Variants in TOM1L2 observed in about 807,000 individuals in gnomAD.
TOM1L2 encodes TOM1-like protein 2.
Under a neutral mutation model 67.9 loss-of-function variants are expected in TOM1L2, and 31 were observed. That is an observed-to-expected ratio of 0.46 (90% CI 0.34 to 0.62). The LOEUF (loss-of-function observed/expected upper bound fraction) is 0.62, where lower values mean the gene tolerates loss of function less well. Among genes scored for constraint, TOM1L2 ranks in the 20% least tolerant of loss-of-function variants. The pLI, the probability that TOM1L2 is intolerant of heterozygous loss-of-function variation, is 0.01. For synonymous variants in TOM1L2, 256 were observed against 254.0 expected (o/e 1.01, Z -0.07); for missense variants, 606 against 663.5 (o/e 0.91, Z 0.95).
intron 13 of TOM1L2, 32 bp downstream of exon 13, chr17:17,850,861 C>A (rs549418132): frequency 6.2e-7 from 1 of 1,612,590 alleles, no homozygotes; most frequent in Non-Finnish European, 8.5e-7. Context: ...CGCTCCACAC[C>A]CCACAGATGA....
intron 12 of TOM1L2, among the ~76,000 whole-genome samples, chr17:17,853,202 A>G (rs992483585): frequency 5.3e-5 from 8 of 152,238 alleles, no homozygotes; most frequent in African/African-American, 1.4e-4. Context: ...TGAGTCCCCA[A>G]AACTGAAGCT....
chr17:17,946,702 C>T (rs893654403), intron 1 of TOM1L2, among the ~76,000 whole-genome samples: 2 of 152,096 alleles, frequency 1.3e-5, no homozygotes, highest in Admixed American at 6.6e-5. Context: ...TAAACATCAG[C>T]TCATTATATT....
intron 1 of TOM1L2, among the ~76,000 whole-genome samples, chr17:17,956,256 T>G (rs190270353): frequency 2.0e-5 from 3 of 152,328 alleles, no homozygotes; most frequent in South Asian, 2.1e-4. Flanking sequence ...TTACAATCCC[T>G]GAGCTAGACA....
chr17:17,850,439 C>A (rs982016362), intron 13 of TOM1L2, among the ~76,000 whole-genome samples: 1 of 151,042 alleles, frequency 6.6e-6, no homozygotes, highest in Non-Finnish European at 1.5e-5. Flanking sequence ...GGGATGACAG[C>A]CAATTAAAAA....
At chr17:17,880,003 T>C (rs1037063929) in intron 6 of TOM1L2, among the ~76,000 whole-genome samples, 1 of 152,162 alleles carries the variant, frequency 6.6e-6, no homozygotes, top group Admixed American at 6.5e-5. Context: ...TACCACGTAG[T>C]GAAGGGCTCC....
At chr17:17,944,554 G>A (rs1347345561) in intron 1 of TOM1L2, among the ~76,000 whole-genome samples, 1 of 152,228 alleles carries the variant, frequency 6.6e-6, no homozygotes, top group Non-Finnish European at 1.5e-5. Flanking sequence ...ACAAACTAAC[G>A]CAGACCATCT....
At chr17:17,908,091 G>A (rs2039177006) in intron 1 of TOM1L2, among the ~76,000 whole-genome samples, 1 of 152,206 alleles carries the variant, frequency 6.6e-6, no homozygotes, top group South Asian at 2.1e-4. Flanking sequence ...TTCAGATAAG[G>A]GGGAGAAAGA....
intron 1 of TOM1L2, among the ~76,000 whole-genome samples, chr17:17,939,367 A>C (rs1399907147): frequency 1.3e-5 from 2 of 152,240 alleles, no homozygotes; most frequent in Non-Finnish European, 2.9e-5. Flanking sequence ...AGCAGATTCT[A>C]TTCAGTCTTA....
intron 1 of TOM1L2, among the ~76,000 whole-genome samples, chr17:17,923,207 G>A (rs1323359046): frequency 6.6e-6 from 1 of 152,120 alleles, no homozygotes; most frequent in African/African-American, 2.4e-5. Flanking sequence ...AGACCAGCCT[G>A]GCCAACTTGA....
intron 1 of TOM1L2, among the ~76,000 whole-genome samples, chr17:17,969,440 G>A (rs1182867124): frequency 6.6e-5 from 6 of 90,410 alleles, no homozygotes; most frequent in East Asian, 3.4e-4. Flanking sequence ...CCCCACCCCC[G>A]CACATTCTTT....
intron 8 of TOM1L2, chr17:17,869,019 G>GT: frequency 7.6e-6 from 2 of 262,592 alleles, no homozygotes; most frequent in Non-Finnish European, 7.5e-6. Context: ...AGAAGCTCTG[G>GT]GGCCCAGAGG....
chr17:17,970,077 C>CA (rs1411984799), intron 1 of TOM1L2, among the ~76,000 whole-genome samples: 1 of 152,098 alleles, frequency 6.6e-6, no homozygotes, highest in East Asian at 1.9e-4. Context: ...TTTTTTGAGA[C>CA]AGAGTCTCAC....
intron 12 of TOM1L2, chr17:17,857,716 A>C: frequency 6.8e-7 from 1 of 1,461,250 alleles, no homozygotes; most frequent in East Asian, 2.5e-5. Flanking sequence ...GAGCTGTTAC[A>C]CAGGTAGGGG....
chr17:17,871,214 CA>C (rs540776788), intron 7 of TOM1L2, among the ~76,000 whole-genome samples: 78 of 151,420 alleles, frequency 5.2e-4, no homozygotes, highest in African/African-American at 1.8e-3. Flanking sequence ...ACTAAAAACA[CA>C]AAAAATTAGC....
chr17:17,849,377 C>T (rs2035833769), intron 13 of TOM1L2, among the ~76,000 whole-genome samples: 1 of 152,216 alleles, frequency 6.6e-6, no homozygotes, highest in Non-Finnish European at 1.5e-5. Flanking sequence ...ACAAAGCCCA[C>T]AGCACAGGGC....
At position 17,845,020 on chromosome 17, in the gene TOM1L2, G is replaced by C. The variant is rs1300165317; in HGVS notation, c.*2615C>G. The C allele has an allele frequency of 1.3e-5, 2 of 152,450 alleles. No individual in the cohort carries two copies. The highest frequency in any genetic ancestry group is 2.9e-5 in the Non-Finnish European group (2 of 68,060). The allele number at this position is 152,450 out of a possible 1,614,324, so 9.4% of individuals were successfully genotyped here. On this transcript the variant is annotated 3_prime_UTR_variant, in exon 15 of 15. Transcript: ENST00000379504. ...CCCCTTCCTGGACCAGGCAGCCTAA[G>C]GACTGTGCTCCCCAGATGGTGGGGT...
intron 1 of TOM1L2, among the ~76,000 whole-genome samples, chr17:17,920,677 C>G (rs1041623987): frequency 1.3e-5 from 2 of 151,804 alleles, no homozygotes; most frequent in Admixed American, 1.3e-4. Flanking sequence ...CCCTGTTGCC[C>G]AGGCTGGAGT....
At chr17:17,964,331 GGCAAT>G (rs2041802788) in intron 1 of TOM1L2, among the ~76,000 whole-genome samples, 1 of 152,042 alleles carries the variant, frequency 6.6e-6, no homozygotes, top group South Asian at 2.1e-4. Flanking sequence ...TGCTCCTCTG[GGCAAT>G]GTATTTACAC....
At chr17:17,959,597 A>T (rs763309121) in intron 1 of TOM1L2, among the ~76,000 whole-genome samples, 5 of 152,162 alleles carry the variant, frequency 3.3e-5, no homozygotes, top group Non-Finnish European at 7.4e-5. Flanking sequence ...CCCAAGCAAC[A>T]TCATTTCTCA....
Sources: allele counts gnomAD v4.1 joint callset (sites outside exome capture counted in the v4.1 genomes callset), GRCh38; gene constraint gnomAD v4.1.1; transcripts MANE v1.5; gene names NCBI Gene and HGNC (gene_info 2026-07-23, HGNC 2026-07-21).